HIGD1A: variants seen among roughly 807,000 people sequenced by gnomAD.
The protein encoded by HIGD1A is HIG1 domain family member 1A, mitochondrial.
A neutral mutation model predicts 11.3 loss-of-function variants in HIGD1A; 8 were observed. The observed-to-expected ratio is 0.71, with a 90% CI of 0.42 to 1.28. HIGD1A has a LOEUF of 1.28. Among genes scored for constraint, HIGD1A ranks in the 50% most tolerant of loss-of-function variants. The probability of loss-of-function intolerance (pLI) is 0.01; values close to 1 mark genes in which losing one functional copy is unlikely to be tolerated. For synonymous variants in HIGD1A, 32 were observed against 38.4 expected (o/e 0.83, Z 0.62); for missense variants, 107 against 118.8 (o/e 0.90, Z 0.46).
chr3:42,785,816 ATT>A (rs1030607104), intron 3 of HIGD1A, among the ~76,000 whole-genome samples: 3 of 150,706 alleles, frequency 2.0e-5, no homozygotes, highest in Non-Finnish European at 4.4e-5. Flanking sequence ...GATTGACAGG[ATT>A]TTTTTTTTCT....
chr3:42,793,457 C>G (rs1700453350), intron 2 of HIGD1A, among the ~76,000 whole-genome samples: 1 of 152,222 alleles, frequency 6.6e-6, no homozygotes, highest in Non-Finnish European at 1.5e-5. Flanking sequence ...CCCTCTCCCC[C>G]TGTGGGACTC....
At chr3:42,801,640 C>T (rs1190843122) in intron 1 of HIGD1A, among the ~76,000 whole-genome samples, 1 of 152,124 alleles carries the variant, frequency 6.6e-6, no homozygotes, top group Non-Finnish European at 1.5e-5. Flanking sequence ...AAGAAAAATG[C>T]CTAACTGTAT....
chr3:42,804,120 C>G, intron 1 of HIGD1A: 1 of 1,580,340 alleles, frequency 6.3e-7, no homozygotes, highest in Non-Finnish European at 8.6e-7. Context: ...CCTCCTGGCC[C>G]CCGTCTCTCA....
intron 2 of HIGD1A, among the ~76,000 whole-genome samples, chr3:42,789,501 C>A (rs1163860771): frequency 6.3e-4 from 80 of 127,270 alleles, no homozygotes; most frequent in Non-Finnish European, 8.1e-4. Flanking sequence ...CCTGTGTCTA[C>A]AAAAAAAAAA....
chr3:42,787,594 A>AATATATATATATATATAT (rs1163603645), intron 2 of HIGD1A, among the ~76,000 whole-genome samples: 9 of 141,246 alleles, frequency 6.4e-5, no homozygotes, highest in African/African-American at 2.1e-4. Flanking sequence ...CCATCTCAAA[A>AATATATATATATATATAT]ATATATATAT....
At chr3:42,786,369 T>C (rs951219535) in intron 2 of HIGD1A, among the ~76,000 whole-genome samples, 8 of 152,202 alleles carry the variant, frequency 5.3e-5, no homozygotes, top group Admixed American at 5.2e-4. Context: ...GTCAGGATTA[T>C]CTTTAAAAAC....
chr3:42,784,951 G>T lies in HIGD1A; in HGVS notation c.*320C>A. 1 of 287,994 alleles carries T rather than the reference G, an allele frequency of 3.5e-6. No homozygotes were observed. 17.8% of individuals were successfully genotyped at this position (287,994 alleles called of 1,614,324 possible). ...TGCAGCAAACAGGGAGTACCTTCAGGATTGGCCTGTTATCTTCTTTAGAAC... is the reference window on the plus strand; with the variant it reads ...TGCAGCAAACAGGGAGTACCTTCAGTATTGGCCTGTTATCTTCTTTAGAAC... On this transcript the variant is annotated 3_prime_UTR_variant, in exon 4 of 4. Transcript: ENST00000321331.
intron 1 of HIGD1A, among the ~76,000 whole-genome samples, chr3:42,802,564 T>C (rs1025536322): frequency 1.3e-5 from 2 of 152,244 alleles, no homozygotes; most frequent in Admixed American, 1.3e-4. Context: ...AACTGTCTAA[T>C]TACCACGTAG....
chr3:42,789,166 G>A (rs1422911720), intron 2 of HIGD1A, among the ~76,000 whole-genome samples: 1 of 148,400 alleles, frequency 6.7e-6, no homozygotes, highest in Non-Finnish European at 1.5e-5. Flanking sequence ...CCAGCTTCCC[G>A]AGTAGCTGGG....
Position 42,794,229 on chromosome 3 carries a change from G to A in HIGD1A, c.25C>T (p.Leu9Phe). MSTDTGVS[L>F]PSYEEDQGSK... ...CCCTGATCTTCCTCATATGAAGGAAGGGAAACACCTGTGTCTGTTGACATA... is the reference window on the plus strand; with the variant it reads ...CCCTGATCTTCCTCATATGAAGGAAAGGAAACACCTGTGTCTGTTGACATA... Residue 9 changes from leucine to phenylalanine, a missense_variant, in exon 2 of 4, where the codon CTT (leucine) becomes TTT (phenylalanine). Physicochemically the swap from Leu to Phe is conservative, Grantham distance 22. Transcript: ENST00000321331. The A allele has an allele frequency of 1.2e-6, 2 of 1,603,976 alleles. No individual in the cohort carries two copies. The highest frequency in any genetic ancestry group is 1.7e-6 in the Non-Finnish European group (2 of 1,177,016).
intron 1 of HIGD1A, among the ~76,000 whole-genome samples, chr3:42,802,923 C>T (rs1486345312): frequency 6.6e-6 from 1 of 152,176 alleles, no homozygotes; most frequent in Non-Finnish European, 1.5e-5. Flanking sequence ...GAATCCATTA[C>T]TCAACAGAAG....
chr3:42,795,544 G>A (rs1248257697), intron 1 of HIGD1A, among the ~76,000 whole-genome samples: 2 of 151,986 alleles, frequency 1.3e-5, no homozygotes, highest in Non-Finnish European at 2.9e-5. Flanking sequence ...CATCACTGCA[G>A]CACAAAACTG....
intron 1 of HIGD1A, among the ~76,000 whole-genome samples, chr3:42,795,005 T>C (rs1370830492): frequency 1.3e-5 from 2 of 152,214 alleles, no homozygotes; most frequent in Non-Finnish European, 2.9e-5. Flanking sequence ...TTTTTCTTTT[T>C]TGAGACTGAG....
At chr3:42,804,275 G>C in intron 1 of HIGD1A, 161 bp downstream of exon 1, 3 of 1,435,538 alleles carry the variant, frequency 2.1e-6, no homozygotes, top group South Asian at 2.4e-5. Flanking sequence ...GCTCGAGGCC[G>C]GGCCTGAGCC....
chr3:42,799,748 G>T (rs1700532425), intron 1 of HIGD1A, among the ~76,000 whole-genome samples: 1 of 152,064 alleles, frequency 6.6e-6, no homozygotes, highest in African/African-American at 2.4e-5. Context: ...GAACCATCAT[G>T]CCTGGCTCCA....
intron 2 of HIGD1A, among the ~76,000 whole-genome samples, chr3:42,792,009 T>A (rs1240033576): frequency 6.6e-6 from 1 of 152,160 alleles, no homozygotes; most frequent in Non-Finnish European, 1.5e-5. Flanking sequence ...TATAAAAAGA[T>A]AATGAACAAG....
In HIGD1A at chr3:42,785,281, G is replaced by T; in HGVS notation, c.272C>A (p.Pro91His). The T allele has an allele frequency of 6.2e-7, 1 of 1,610,662 alleles. No individual in the cohort carries two copies. Among genetic ancestry groups the T allele is most frequent in the Non-Finnish European group, 8.5e-7 (1 of 1,178,814 alleles). Residue 91 changes from proline (P) to histidine (H), a missense_variant, in exon 4 of 4, where the codon CCT (proline) becomes CAT (histidine). By Grantham distance (77) the Pro-to-His change is moderately conservative (BLOSUM62 -2). Coordinates refer to ENST00000321331, the MANE Select transcript of HIGD1A (RefSeq NM_014056.4). Reference protein sequence around the residue: ...YSMYREFWAKPKP With the variant: ...YSMYREFWAKHKP ...ACAGCATCTCTTCTTCTAAGGCTTA[G>T]GTTTTGCCCAGAATTCCCGATACAT...
At chr3:42,803,121 T>C (rs1471292814) in intron 1 of HIGD1A, among the ~76,000 whole-genome samples, 2 of 152,246 alleles carry the variant, frequency 1.3e-5, no homozygotes, top group African/African-American at 4.8e-5. Context: ...CCCAGATTTC[T>C]GTCAGAAAGT....
chr3:42,790,583 G>C (rs1283464327), intron 2 of HIGD1A, among the ~76,000 whole-genome samples: 1 of 152,136 alleles, frequency 6.6e-6, no homozygotes, highest in Non-Finnish European at 1.5e-5. Flanking sequence ...AGATTACTTT[G>C]ATGAATACAT....
Sources: allele counts gnomAD v4.1 joint callset (sites outside exome capture counted in the v4.1 genomes callset), GRCh38; gene constraint gnomAD v4.1.1; transcripts MANE v1.5; gene names NCBI Gene and HGNC (gene_info 2026-07-23, HGNC 2026-07-21).